The following FAXC variants were observed in gnomAD, a reference collection of about 807,000 sequenced individuals.
FAXC encodes the protein failed axon connections homolog, metaxin like GST domain containing.
A neutral mutation model predicts 41.9 loss-of-function variants in FAXC; 10 were observed. The observed-to-expected ratio is 0.24, with a 90% CI of 0.15 to 0.41. The LOEUF (loss-of-function observed/expected upper bound fraction) is 0.41. FAXC is among the 10% of genes least tolerant of loss of function. FAXC has a pLI of 1.00. For missense variants in FAXC, 399 were observed against 510.9 expected (o/e 0.78, Z 2.11); for synonymous variants, 183 against 183.8 (o/e 1.00, Z 0.03).
At position 99,272,887 on chromosome 6, in the gene FAXC, T is replaced by C. The variant is rs1197426166; in HGVS notation, c.*8277A>G. 6.6e-6 allele frequency: 1 copy of C among 152,214 alleles called. No homozygotes were observed. The highest frequency in any genetic ancestry group is 1.5e-5 in the Non-Finnish European group (1 of 68,032). The allele number at this position is 152,214 out of a possible 1,614,324, so 9.4% of individuals were successfully genotyped here. A position where few individuals can be genotyped will look rare whatever the true frequency, so the allele number is the denominator to read the frequency against. On this transcript the variant is annotated 3_prime_UTR_variant, in exon 6 of 6. Coordinates refer to ENST00000389677, the MANE Select transcript of FAXC (RefSeq NM_032511.4). ...AACATTCAAATTTGCAAAAGAGAAG[T>C]AAATTGGAAGAAAGACATTCACAGA...
chr6:99,327,289 A>G (rs1226109156), intron 3 of FAXC, among the ~76,000 whole-genome samples: 3 of 152,178 alleles, frequency 2.0e-5, no homozygotes, highest in African/African-American at 7.2e-5. Context: ...ACTACCACAC[A>G]TAGAAGATAT....
At chr6:99,302,697 C>T (rs2128453636) in intron 4 of FAXC, among the ~76,000 whole-genome samples, 1 of 152,030 alleles carries the variant, frequency 6.6e-6, no homozygotes, top group Non-Finnish European at 1.5e-5. Flanking sequence ...TCACTAGGTC[C>T]AGCCTACACT....
Position 99,341,933 on chromosome 6 carries a change from T to C in FAXC, c.402+965A>G, listed in dbSNP as rs548595486. On this transcript the variant is annotated intron_variant, in intron 2 of 5. Coordinates refer to ENST00000389677, the MANE Select transcript of FAXC (RefSeq NM_032511.4). ...AAAATCAAAGCTTAAAATAGTTCCATATGGCTAGAACTTGGTTAAAAATAA... is the reference window on the plus strand; with the variant it reads ...AAAATCAAAGCTTAAAATAGTTCCACATGGCTAGAACTTGGTTAAAAATAA... 2.6e-4 allele frequency among the ~76,000 whole-genome samples: 40 copies of C among 152,294 alleles called. No homozygotes were observed. In the South Asian group the frequency reaches 7.9e-3, roughly 30 times the overall value.
At chr6:99,335,243 T>A (rs1221409260) in intron 2 of FAXC, among the ~76,000 whole-genome samples, 2 of 152,226 alleles carry the variant, frequency 1.3e-5, no homozygotes, top group Non-Finnish European at 2.9e-5. Context: ...TAATAAAAAT[T>A]GTAGAAAGTA....
intron 2 of FAXC, among the ~76,000 whole-genome samples, chr6:99,337,636 A>T (rs1430695036): frequency 2.0e-5 from 3 of 152,190 alleles, no homozygotes; most frequent in African/African-American, 4.8e-5. Context: ...TGTGTTTTTT[A>T]AAAAATTAAC....
At chr6:99,300,446 G>T (rs964199328) in intron 4 of FAXC, among the ~76,000 whole-genome samples, 1 of 152,182 alleles carries the variant, frequency 6.6e-6, no homozygotes. Flanking sequence ...AAGTCTTAAA[G>T]ATCTACAGCT....
intron 4 of FAXC, among the ~76,000 whole-genome samples, chr6:99,316,275 C>G (rs909701162): frequency 4.0e-5 from 6 of 151,852 alleles, no homozygotes; most frequent in African/African-American, 1.5e-4. Context: ...CTCGGAGAAG[C>G]TTGAGAGCCA....
rs1045731422 is a variant in FAXC, at chr6:99,275,245, C to G, written c.*5919G>C. 2.0e-5 allele frequency: 3 copies of G among 152,102 alleles called. No individual in the cohort carries two copies. Among genetic ancestry groups the G allele is most frequent in the Admixed American group, 2.0e-4 (3 of 15,262 alleles). 9.4% of individuals were successfully genotyped at this position (152,102 alleles called of 1,614,324 possible). ...TATAAAGTTAACTGATTATGATACA[C>G]ATATATTGCTTTATGGTTAGTGGAT... is the stretch of plus-strand genomic sequence containing the variant. On this transcript the variant is annotated 3_prime_UTR_variant, in exon 6 of 6. Transcript: ENST00000389677.
chr6:99,298,302 C>T (rs1313729485), intron 4 of FAXC, among the ~76,000 whole-genome samples: 1 of 151,342 alleles, frequency 6.6e-6, no homozygotes, highest in Non-Finnish European at 1.5e-5. Context: ...AACTCCTGGG[C>T]TCAAGTGATC....
At chr6:99,331,338 A>T (rs1773016885) in intron 3 of FAXC, among the ~76,000 whole-genome samples, 1 of 152,170 alleles carries the variant, frequency 6.6e-6, no homozygotes, top group Non-Finnish European at 1.5e-5. Flanking sequence ...CAAAATTAAG[A>T]TCTTTTCCCA....
chr6:99,345,608 C>G (rs1200472963), intron 1 of FAXC, among the ~76,000 whole-genome samples: 2 of 152,208 alleles, frequency 1.3e-5, no homozygotes, highest in Non-Finnish European at 2.9e-5. Flanking sequence ...CATTAACTAG[C>G]TAGTTTACTA....
chr6:99,305,443 C>T (rs954576166), intron 4 of FAXC, among the ~76,000 whole-genome samples: 24 of 152,058 alleles, frequency 1.6e-4, no homozygotes, highest in African/African-American at 5.6e-4. Flanking sequence ...CAGGCCTGAC[C>T]CCCACCCCTT....
intron 4 of FAXC, among the ~76,000 whole-genome samples, chr6:99,300,324 T>C (rs1179893316): frequency 6.6e-6 from 1 of 152,212 alleles, no homozygotes; most frequent in Admixed American, 6.5e-5. Flanking sequence ...GATGAAAGAT[T>C]TGCACCAGTG....
Position 99,272,146 on chromosome 6 carries a change from A to ATATGTGTGTGTGTGTG in FAXC, c.*9017_*9018insCACACACACACACATA, listed in dbSNP as rs1207575542. On this transcript the variant is annotated 3_prime_UTR_variant, in exon 6 of 6. Transcript: ENST00000389677. ...AGGTATGAAAACTAATTGAGACTATATGTGTGTGTGTGTGTGTGTGTGTGT... is the reference window on the plus strand; with the variant it reads ...AGGTATGAAAACTAATTGAGACTATATATGTGTGTGTGTGTGTGTGTGTGTGTGTGTGTGTGTGTGT... 38 of 143,974 alleles carry ATATGTGTGTGTGTGTG rather than the reference A, an allele frequency of 2.6e-4. No individual in the cohort carries two copies. Among genetic ancestry groups the ATATGTGTGTGTGTGTG allele is most frequent in the South Asian group, 4.7e-4 (2 of 4,244 alleles). The allele number at this position is 143,974 out of a possible 1,614,324, so 8.9% of individuals were successfully genotyped here. A position where few individuals can be genotyped will look rare whatever the true frequency, so the allele number is the denominator to read the frequency against.
At chr6:99,349,035 C>G in intron 1 of FAXC, 72 bp downstream of exon 1, 3 of 1,466,214 alleles carry the variant, frequency 2.0e-6, no homozygotes, top group Non-Finnish European at 2.8e-6. Context: ...GCACGGGCCC[C>G]TCTCGCGCCA....
At chr6:99,333,173 C>T (rs975935900) in intron 3 of FAXC, among the ~76,000 whole-genome samples, 178 bp downstream of exon 3, 1 of 152,160 alleles carries the variant, frequency 6.6e-6, no homozygotes, top group East Asian at 1.9e-4. Flanking sequence ...GGTTTGCTGA[C>T]CCCTGGTCTA....
At chr6:99,281,602 T>C (rs1032808454) in intron 5 of FAXC, 149 bp from the exon 6 acceptor site, 11 of 674,246 alleles carry the variant, frequency 1.6e-5, no homozygotes, top group Non-Finnish European at 2.8e-5. Flanking sequence ...GGTGGTTCGT[T>C]CATGAGGCCC....
rs775823449 is a variant in FAXC, at chr6:99,278,905, C to T, written c.*2259G>A. On this transcript the variant is annotated 3_prime_UTR_variant, in exon 6 of 6. Coordinates refer to ENST00000389677, the MANE Select transcript of FAXC (RefSeq NM_032511.4). ...CATATATTAATCTACATTCTCATAA[C>T]TTAATCATCCTTTGAGAGAAAATAC... The T allele has an allele frequency of 5.3e-5, 8 of 152,186 alleles. No individual in the cohort carries two copies. The highest frequency in any genetic ancestry group is 1.2e-4 in the Non-Finnish European group (8 of 68,034). 9.4% of individuals were successfully genotyped at this position (152,186 alleles called of 1,614,324 possible). A position where few individuals can be genotyped will look rare whatever the true frequency, so the allele number is the denominator to read the frequency against.
intron 4 of FAXC, among the ~76,000 whole-genome samples, chr6:99,299,351 G>A (rs978853162): frequency 2.6e-5 from 4 of 152,260 alleles, no homozygotes; most frequent in African/African-American, 9.6e-5. Flanking sequence ...AGACAAGACT[G>A]GCTGTGCTAT....
Sources: allele counts gnomAD v4.1 joint callset (sites outside exome capture counted in the v4.1 genomes callset), GRCh38; gene constraint gnomAD v4.1.1; transcripts MANE v1.5; gene names NCBI Gene and HGNC (gene_info 2026-07-23, HGNC 2026-07-21).